Variants in ACTR6 observed in about 807,000 individuals in gnomAD.
ACTR6 encodes the protein actin-related protein 6.
ACTR6 carries 50 observed loss-of-function variants against 52.5 expected under a neutral mutation model. That is an observed-to-expected ratio of 0.95 (90% CI 0.76 to 1.20). The LOEUF (loss-of-function observed/expected upper bound fraction) is 1.20. ACTR6 is among the 50% of genes most tolerant of loss of function. The probability of loss-of-function intolerance (pLI) is 0.00; values close to 1 mark genes in which losing one functional copy is unlikely to be tolerated. For synonymous variants in ACTR6, 135 were observed against 147.2 expected (o/e 0.92, Z 0.60); for missense variants, 344 against 472.4 (o/e 0.73, Z 2.52).
At chr12:100,210,683 A>G (rs1028857923) in intron 6 of ACTR6, among the ~76,000 whole-genome samples, 5 of 151,104 alleles carry the variant, frequency 3.3e-5, no homozygotes, top group Non-Finnish European at 7.4e-5. Flanking sequence ...GCGCCACTTC[A>G]CTCCAGCCTG....
At chr12:100,205,850 C>T (rs2096114124) in intron 3 of ACTR6, 106 bp downstream of exon 3, 1 of 581,664 alleles carries the variant, frequency 1.7e-6, no homozygotes, top group Non-Finnish European at 2.7e-6. Context: ...ATGTTCTCCG[C>T]ACATTTAAAA....
rs1288835493 is a variant in ACTR6 at position 100,200,893 on chromosome 12, A to C, written c.42A>C (p.Lys14Asn). The part of the protein sequence containing the change: ...LVLDNGAYNA[K>N]IGYSHENVSV... The stretch of plus-strand genomic sequence containing the variant: ...TGGATAATGGAGCTTACAACGCCAA[A>C]ATCGGTTACAGCCATGAAAATGTGT... Residue 14 changes from lysine to asparagine, a missense_variant, in exon 1 of 11, where the codon AAA becomes AAC. Coordinates refer to ENST00000188312, the MANE Select transcript of ACTR6 (RefSeq NM_022496.5). 1 of 1,614,016 alleles carries C rather than the reference A, an allele frequency of 6.2e-7. No homozygotes were observed. The highest frequency in any genetic ancestry group is 1.3e-5 in the African/African-American group (1 of 74,918).
chr12:100,201,026 T>C, intron 1 of ACTR6, 107 bp downstream of exon 1: 1 of 1,577,044 alleles, frequency 6.3e-7, no homozygotes, highest in Non-Finnish European at 8.6e-7. Flanking sequence ...CGCGCGGCCC[T>C]GACTTAGCCA....
At chr12:100,212,058 A>G (rs2096120288) in intron 6 of ACTR6, among the ~76,000 whole-genome samples, 198 bp from the exon 7 acceptor site, 1 of 152,170 alleles carries the variant, frequency 6.6e-6, no homozygotes, top group African/African-American at 2.4e-5. Flanking sequence ...CTAGACTAAT[A>G]CCTACCCTCA....
intron 8 of ACTR6, among the ~76,000 whole-genome samples, chr12:100,215,278 A>G (rs1566295947): frequency 6.6e-6 from 1 of 152,218 alleles, no homozygotes; most frequent in African/African-American, 2.4e-5. Flanking sequence ...CTTTCTTTTT[A>G]GAAAAACTCT....
At chr12:100,207,395 T>C (rs1298742704) in intron 3 of ACTR6, among the ~76,000 whole-genome samples, 2 of 152,148 alleles carry the variant, frequency 1.3e-5, no homozygotes, top group Non-Finnish European at 2.9e-5. Context: ...ATGCTACCTC[T>C]AACAGAAGTA....
intron 3 of ACTR6, 157 bp downstream of exon 3, chr12:100,205,901 T>C (rs1407513584): frequency 2.2e-6 from 1 of 450,612 alleles, no homozygotes. Flanking sequence ...CATGTTGAAG[T>C]AGAGGTTGAG....
At chr12:100,212,377 A>G in intron 7 of ACTR6, 23 bp downstream of exon 7, 2 of 1,593,662 alleles carry the variant, frequency 1.3e-6, no homozygotes, top group Non-Finnish European at 1.7e-6. Context: ...ACAATCTAAG[A>G]ATTGGAAAGT....
chr12:100,210,139 A>G lies in ACTR6; in HGVS notation c.446A>G (p.Asp149Gly). ...TCCGAATTATGCTGTATCATTGTTG[A>G]TAGTGGATATTCCTTTACACATATA... Reference protein sequence around the residue: ...NPSELCCIIVDSGYSFTHIVP... With the variant: ...NPSELCCIIVGSGYSFTHIVP... The change falls in exon 5 of 11, where the codon GAT becomes GGT. Residue 149 changes from aspartate (D) to glycine (G), a missense_variant. Physicochemically the swap from Asp to Gly is moderately conservative, Grantham distance 94. Coordinates refer to ENST00000188312, the MANE Select transcript of ACTR6 (RefSeq NM_022496.5). The G allele has an allele frequency of 6.2e-7, 1 of 1,610,760 alleles. No individual in the cohort carries two copies. The highest frequency in any genetic ancestry group is 8.5e-7 in the Non-Finnish European group (1 of 1,178,018).
At position 100,210,358 on chromosome 12, in the gene ACTR6, C is replaced by T. The variant is rs1239029175; in HGVS notation, c.572+7C>T. 6.2e-7 allele frequency: 1 copy of T among 1,612,992 alleles called. No individual in the cohort carries two copies. Among genetic ancestry groups the T allele is most frequent in the Non-Finnish European group, 8.5e-7 (1 of 1,179,246 alleles). On this transcript the variant is annotated splice_region_variant and intron_variant, in intron 6 of 10. Transcript: ENST00000188312. ...AGGAGATCATATCTTACAGGTGATG[C>T]TTAGCTTTGATTCTTTGGGAGGATG...
intron 1 of ACTR6, chr12:100,203,616 T>A (rs1484584755): frequency 3.3e-5 from 5 of 151,720 alleles, no homozygotes; most frequent in Non-Finnish European, 7.3e-5. Context: ...AAACTTAATT[T>A]TTATGGCCAT....
intron 6 of ACTR6, among the ~76,000 whole-genome samples, chr12:100,211,810 T>A (rs1215952096): frequency 1.3e-5 from 2 of 152,120 alleles, no homozygotes; most frequent in African/African-American, 2.4e-5. Context: ...TAAACATCTT[T>A]ATTTCTATAG....
At position 100,220,087 on chromosome 12, in the gene ACTR6, C is replaced by T; in HGVS notation, c.1002C>T (p.Tyr334=). 1 of 1,613,900 alleles carries T rather than the reference C, an allele frequency of 6.2e-7. No individual in the cohort carries two copies. The highest frequency in any genetic ancestry group is 8.5e-7 in the Non-Finnish European group (1 of 1,179,920). The change falls in exon 10 of 11, where the codon TAC becomes TAT. Residue 334 remains tyrosine, a synonymous_variant. Transcript: ENST00000188312. ...TCCCAGGATTTAGGGATCGGGTTTACTCAGAAGTTCGATGTCTTACTCCAA... is the reference window on the plus strand; with the variant it reads ...TCCCAGGATTTAGGGATCGGGTTTATTCAGAAGTTCGATGTCTTACTCCAA... The part of the protein sequence containing the change: ...SLFPGFRDRV[Y]SEVRCLTPTD...
chr12:100,201,515 G>A (rs1037369721), intron 1 of ACTR6, among the ~76,000 whole-genome samples: 8 of 152,036 alleles, frequency 5.3e-5, no homozygotes, highest in East Asian at 3.8e-4. Context: ...CAAATTAACA[G>A]AGCATTAAAA....
intron 8 of ACTR6, among the ~76,000 whole-genome samples, chr12:100,215,051 G>A (rs899902328): frequency 2.3e-4 from 35 of 152,114 alleles, no homozygotes; most frequent in Admixed American, 1.1e-3. Flanking sequence ...GGTTAATAGG[G>A]GTAAAGTAAT....
At chr12:100,210,385 G>T (rs992965546) in intron 6 of ACTR6, 34 bp downstream of exon 6, 3 of 1,597,148 alleles carry the variant, frequency 1.9e-6, no homozygotes, top group African/African-American at 1.3e-5. Context: ...GGGAGGATGG[G>T]GCTCTGGGGA....
chr12:100,205,395 A>G (rs2096113621), intron 2 of ACTR6: 1 of 288,878 alleles, frequency 3.5e-6, no homozygotes, highest in South Asian at 1.1e-4. Flanking sequence ...TAAAGGAGAA[A>G]AACATACTAA....
chr12:100,208,972 C>G (rs2096117541), intron 4 of ACTR6: 1 of 333,898 alleles, frequency 3.0e-6, no homozygotes, highest in South Asian at 2.3e-5. Context: ...GTCTCGAACT[C>G]CTGGACTGAA....
At position 100,218,204 on chromosome 12, in the gene ACTR6, A is replaced by G. The variant is rs1359342615; in HGVS notation, c.751-211A>G. Reference sequence around the variant, plus strand: ...TTATCTTTGAAGGAACAGCCATATTAGCGTCAGTAATTATTTAGTTGTGTT... The same window carrying G: ...TTATCTTTGAAGGAACAGCCATATTGGCGTCAGTAATTATTTAGTTGTGTT... On this transcript the variant is annotated intron_variant, in intron 8 of 10. Coordinates refer to ENST00000188312, the MANE Select transcript of ACTR6 (RefSeq NM_022496.5). This position sits in a 1 kb window ranked among gnomAD's most constrained non-coding sequence, Gnocchi z 4.2. 1.3e-5 allele frequency among the ~76,000 whole-genome samples: 2 copies of G among 152,290 alleles called. No individual in the cohort carries two copies. The highest frequency in any genetic ancestry group is 3.9e-4 in the East Asian group (2 of 5,176).
Sources: allele counts gnomAD v4.1 joint callset (sites outside exome capture counted in the v4.1 genomes callset), GRCh38; gene constraint gnomAD v4.1.1; non-coding constraint Gnocchi (gnomAD v3.1); transcripts MANE v1.5; gene names NCBI Gene and HGNC (gene_info 2026-07-23, HGNC 2026-07-21).